Variants in NAALADL2 observed in about 807,000 individuals in gnomAD.
NAALADL2 encodes the protein N-acetylated alpha-linked acidic dipeptidase like 2.
Under a neutral mutation model 87.2 loss-of-function variants are expected in NAALADL2, and 76 were observed. The ratio of observed to expected loss-of-function variants is 0.87; its 90% CI spans 0.72 to 1.05. The LOEUF is 1.05. Ranked by LOEUF, NAALADL2 falls within the 50% of genes least tolerant of loss-of-function variation. The pLI is 0.00. For synonymous variants in NAALADL2, 354 were observed against 331.0 expected, an observed-to-expected ratio of 1.07 and a Z score of -0.75; for missense variants, 1,089 against 945.8, an observed-to-expected ratio of 1.15 and a Z score of -1.99.
chr3:175,621,654 A>G (rs980252423), intron 10 of NAALADL2, among the ~76,000 whole-genome samples: 5 of 152,238 alleles, frequency 3.3e-5, no homozygotes, highest in African/African-American at 9.6e-5. Context: ...CAATACTACA[A>G]TAAGAAAAAT....
chr3:174,997,721 C>T (rs969558566), intron 1 of NAALADL2, among the ~76,000 whole-genome samples: 1 of 151,896 alleles, frequency 6.6e-6, no homozygotes. Flanking sequence ...GAGGCTGAGG[C>T]AGGAGAATCT....
chr3:175,698,425 G>GTGTATTTATGTATGTATACATATA lies in NAALADL2; in HGVS notation c.1897-38880_1897-38879insGTATTTATGTATGTATACATATAT, dbSNP rs1560995365. ...TGTGTATTTATGTATGTATACATAT[G>GTGTATTTATGTATGTATACATATA]TATGTGTATATATTTATGTATGTAT... On this transcript the variant is annotated intron_variant, in intron 11 of 13. Transcript: ENST00000454872. Among the ~76,000 whole-genome samples, 11 of 85,460 alleles carry GTGTATTTATGTATGTATACATATA rather than the reference G, an allele frequency of 1.3e-4. 1 individual carries two copies. The highest frequency in any genetic ancestry group is 3.2e-4 in the South Asian group (1 of 3,108). 56.1% of individuals were successfully genotyped at this position (85,460 alleles called of 152,430 possible).
At chr3:175,487,275 CAT>C (rs1175106920) in intron 9 of NAALADL2, among the ~76,000 whole-genome samples, 1 of 152,164 alleles carries the variant, frequency 6.6e-6, no homozygotes, top group Non-Finnish European at 1.5e-5. Flanking sequence ...CCTGTACTAT[CAT>C]AGCACGTATA....
chr3:174,645,615 G>A (rs77138096), intron 2 of NAALADL2, among the ~76,000 whole-genome samples: 126 of 152,222 alleles, frequency 8.3e-4, no homozygotes, highest in East Asian at 2.9e-3. Flanking sequence ...GCATTCAAAG[G>A]TAATTTATTT....
chr3:174,741,645 G>C (rs1733774347), intron 3 of NAALADL2, among the ~76,000 whole-genome samples: 2 of 151,584 alleles, frequency 1.3e-5, no homozygotes, highest in Admixed American at 6.6e-5. Flanking sequence ...GAAGAGCTGA[G>C]TAATATTTTA....
At chr3:175,267,519 ACT>A (rs1022598003) in intron 4 of NAALADL2, among the ~76,000 whole-genome samples, 2 of 151,990 alleles carry the variant, frequency 1.3e-5, no homozygotes, top group African/African-American at 4.8e-5. Flanking sequence ...GCTCAAATAA[ACT>A]CTGTTAAATT....
intron 4 of NAALADL2, among the ~76,000 whole-genome samples, chr3:175,318,475 TTTTA>T (rs1362758642): frequency 2.0e-4 from 30 of 152,174 alleles, no homozygotes; most frequent in Non-Finnish European, 4.0e-4. Context: ...CCAGCGAAGT[TTTTA>T]TTTTTTTCCT....
chr3:175,115,453 T>G (rs78605324), intron 2 of NAALADL2, among the ~76,000 whole-genome samples: 1,812 of 151,126 alleles, frequency 0.012, 37 homozygotes, highest in African/African-American at 0.042. Flanking sequence ...AATAAAATAC[T>G]TTCACAAGTC....
intron 13 of NAALADL2, among the ~76,000 whole-genome samples, chr3:175,796,785 A>G (rs1753549639): frequency 6.6e-6 from 1 of 152,208 alleles, no homozygotes; most frequent in Non-Finnish European, 1.5e-5. Context: ...GGTATAATGA[A>G]TGTTAATTCA....
chr3:174,614,403 C>T (rs1398565994), intron 2 of NAALADL2, among the ~76,000 whole-genome samples: 1 of 152,186 alleles, frequency 6.6e-6, no homozygotes, highest in African/African-American at 2.4e-5. Flanking sequence ...CTGGGTAGGG[C>T]TGGTTCAAAT....
chr3:175,745,085 A>G (rs7615214), intron 12 of NAALADL2, among the ~76,000 whole-genome samples: 58,536 of 151,988 alleles, frequency 0.39, 14,276 homozygotes, highest in African/African-American at 0.7. Flanking sequence ...CTTGACAACC[A>G]GCCATCTTGT....
chr3:175,327,281 G>A (rs1221535834), intron 5 of NAALADL2, among the ~76,000 whole-genome samples: 2 of 149,378 alleles, frequency 1.3e-5, no homozygotes, highest in East Asian at 2.1e-4. Context: ...TCAGCCTCCC[G>A]AGTAGCTGGG....
chr3:174,611,306 A>G (rs1488263635), intron 2 of NAALADL2, among the ~76,000 whole-genome samples: 1 of 152,140 alleles, frequency 6.6e-6, no homozygotes, highest in Non-Finnish European at 1.5e-5. Context: ...CCTAAAACTT[A>G]AAGTATAATA....
intron 5 of NAALADL2, among the ~76,000 whole-genome samples, chr3:175,423,574 T>C (rs1036039679): frequency 6.6e-6 from 1 of 152,248 alleles, no homozygotes; most frequent in Non-Finnish European, 1.5e-5. Context: ...GCTTCATCCA[T>C]GTCCCTACAA....
chr3:174,790,416 G>A (rs889999115), intron 3 of NAALADL2, among the ~76,000 whole-genome samples: 3 of 152,112 alleles, frequency 2.0e-5, no homozygotes, highest in African/African-American at 7.2e-5. Context: ...TTGGGAGGCT[G>A]AGGCAGGTGG....
chr3:174,452,465 G>T (rs1329919319), intron 1 of NAALADL2, among the ~76,000 whole-genome samples: 8 of 152,132 alleles, frequency 5.3e-5, no homozygotes, highest in Non-Finnish European at 1.0e-4. Flanking sequence ...TGTGAATGAG[G>T]ACAGATCTTG....
intron 4 of NAALADL2, among the ~76,000 whole-genome samples, chr3:175,287,400 A>G (rs1755116354): frequency 6.6e-6 from 1 of 152,206 alleles, no homozygotes; most frequent in African/African-American, 2.4e-5. Flanking sequence ...AATTGTAAAC[A>G]TTTTAAAAGT....
chr3:175,719,138 A>C (rs1046699558), intron 11 of NAALADL2, among the ~76,000 whole-genome samples: 2 of 152,024 alleles, frequency 1.3e-5, no homozygotes, highest in Admixed American at 6.6e-5. Flanking sequence ...TCAGGTTGTC[A>C]AGCAGGGGTG....
At chr3:174,463,056 CCTT>C (rs1479769213) in intron 1 of NAALADL2, among the ~76,000 whole-genome samples, 8 of 152,248 alleles carry the variant, frequency 5.3e-5, no homozygotes, top group Non-Finnish European at 1.0e-4. Flanking sequence ...CAGTGAATCA[CCTT>C]CTTTAGAAGA....
Sources: allele counts gnomAD v4.1 joint callset (sites outside exome capture counted in the v4.1 genomes callset), GRCh38; gene constraint gnomAD v4.1.1; transcripts MANE v1.5; gene names NCBI Gene and HGNC (gene_info 2026-07-23, HGNC 2026-07-21).